The following RORA variants were observed in gnomAD, a reference collection of about 807,000 sequenced individuals.
RORA encodes RAR related orphan receptor A.
In RORA, 7 loss-of-function variants were observed where a neutral mutation model predicts 69.5. The observed-to-expected ratio is 0.10, with a 90% CI of 0.06 to 0.19. The LOEUF (loss-of-function observed/expected upper bound fraction) is 0.19. RORA is among the 10% of genes least tolerant of loss of function. The pLI is 1.00. For missense variants in RORA, 457 were observed against 663.0 expected, an observed-to-expected ratio of 0.69 and a Z score of 3.41; for synonymous variants, 261 against 240.8, an observed-to-expected ratio of 1.08 and a Z score of -0.78.
chr15:60,531,928 G>C lies in RORA; in HGVS notation c.197-77C>G, dbSNP rs2066538014. ...TAAAAGCGTTCCCTGATCAGCATTT[G>C]TATAGTGAAAACTAATAACCTGCTA... On this transcript the variant is annotated intron_variant, in intron 2 of 10. Coordinates refer to ENST00000335670, the MANE Select transcript of RORA (RefSeq NM_134261.3). This position sits in a 1 kb window ranked among gnomAD's most constrained non-coding sequence, Gnocchi z 4.8. The C allele has an allele frequency of 1.2e-6, 1 of 815,746 alleles. No individual in the cohort carries two copies. The highest frequency in any genetic ancestry group is 2.6e-5 in the Admixed American group (1 of 38,590). The allele number at this position is 815,746 out of a possible 1,614,324, so 50.5% of individuals were successfully genotyped here.
intron 1 of RORA, among the ~76,000 whole-genome samples, chr15:61,009,843 G>A (rs374863643): frequency 1.3e-5 from 2 of 152,080 alleles, no homozygotes; most frequent in Admixed American, 1.3e-4. Flanking sequence ...CATGGGCTTC[G>A]ACATGTCAGC....
chr15:60,642,218 T>C (rs2069956814), intron 2 of RORA, among the ~76,000 whole-genome samples: 1 of 150,780 alleles, frequency 6.6e-6, no homozygotes, highest in African/African-American at 2.4e-5. Flanking sequence ...GGGAAGTAAG[T>C]AGAAACCAAG....
chr15:61,214,065 C>T (rs951820992), intron 1 of RORA: 5 of 152,134 alleles, frequency 3.3e-5, no homozygotes, highest in African/African-American at 1.2e-4. Context: ...CAATCTATAA[C>T]CTGGCTCCCA....
intron 1 of RORA, among the ~76,000 whole-genome samples, chr15:60,987,747 T>C (rs1894249223): frequency 6.6e-6 from 1 of 152,178 alleles, no homozygotes; most frequent in African/African-American, 2.4e-5. Context: ...TTGTGATAAG[T>C]ACTGGGCTGC....
At chr15:60,780,874 C>T (rs1411142244) in intron 1 of RORA, among the ~76,000 whole-genome samples, 1 of 152,240 alleles carries the variant, frequency 6.6e-6, no homozygotes, top group Non-Finnish European at 1.5e-5. Context: ...AGAGAAAAAG[C>T]ACTCTGATAA....
chr15:60,975,854 G>A (rs778304143), intron 1 of RORA, among the ~76,000 whole-genome samples: 1 of 151,918 alleles, frequency 6.6e-6, no homozygotes, highest in Non-Finnish European at 1.5e-5. Context: ...ACATGCACAC[G>A]TGCATACATA....
Position 60,537,806 on chromosome 15 carries a change from G to T in RORA, c.197-5955C>A, listed in dbSNP as rs563575956. 9.2e-5 allele frequency among the ~76,000 whole-genome samples: 14 copies of T among 152,282 alleles called. No homozygotes were observed. The highest frequency in any genetic ancestry group is 2.6e-4 in the Admixed American group (4 of 15,294). ...CTTGATTTTGGATTCTTTCATGACA[G>T]TATTTCATCCTTGCTGAACCTCACC... On this transcript the variant is annotated intron_variant, in intron 2 of 10. Coordinates refer to ENST00000335670, the MANE Select transcript of RORA (RefSeq NM_134261.3). This position sits in a 1 kb window ranked among gnomAD's most constrained non-coding sequence, Gnocchi z 4.9.
intron 1 of RORA, among the ~76,000 whole-genome samples, chr15:60,760,123 G>A (rs2071864743): frequency 6.6e-6 from 1 of 151,620 alleles, no homozygotes; most frequent in African/African-American, 2.4e-5. Flanking sequence ...TTCATTAGAA[G>A]CTCTCTGAGC....
chr15:60,827,390 T>TA (rs935168774), intron 1 of RORA, among the ~76,000 whole-genome samples: 2 of 152,218 alleles, frequency 1.3e-5, no homozygotes, highest in African/African-American at 2.4e-5. Flanking sequence ...GTCTGGCACG[T>TA]AAAAAAATCC....
chr15:60,896,998 G>C (rs189344867), intron 1 of RORA, among the ~76,000 whole-genome samples: 19 of 152,286 alleles, frequency 1.2e-4, no homozygotes, highest in Middle Eastern at 3.4e-3. Context: ...TGAGAAGACA[G>C]AGGAGAAACC....
At chr15:61,085,467 T>C (rs369212316) in intron 1 of RORA, among the ~76,000 whole-genome samples, 1 of 152,230 alleles carries the variant, frequency 6.6e-6, no homozygotes, top group Non-Finnish European at 1.5e-5. Flanking sequence ...TGCACAGTCA[T>C]CATCCGAAGA....
intron 4 of RORA, among the ~76,000 whole-genome samples, chr15:60,514,186 C>T (rs1463355257): frequency 6.6e-6 from 1 of 152,196 alleles, no homozygotes; most frequent in Non-Finnish European, 1.5e-5. Flanking sequence ...AGCATAAAAG[C>T]GGCTTCATCC....
chr15:61,191,026 A>G (rs1360902091), intron 1 of RORA, among the ~76,000 whole-genome samples: 1 of 152,180 alleles, frequency 6.6e-6, no homozygotes, highest in Non-Finnish European at 1.5e-5. Flanking sequence ...AAAAATACTA[A>G]ATGCATCAGG....
intron 1 of RORA, among the ~76,000 whole-genome samples, chr15:61,169,367 C>T (rs554218025): frequency 3.0e-4 from 45 of 152,062 alleles, no homozygotes; most frequent in African/African-American, 1.0e-3. Flanking sequence ...TTTGGGGTCC[C>T]GATGATACCT....
In RORA at chr15:60,553,515, T is replaced by G. The variant is rs180942665; in HGVS notation, c.197-21664A>C. 1.5e-3 allele frequency among the ~76,000 whole-genome samples: 234 copies of G among 152,304 alleles called. 3 individuals carry two copies. The highest frequency in any genetic ancestry group is 5.3e-3 in the African/African-American group (220 of 41,566). On this transcript the variant is annotated intron_variant, in intron 2 of 10. Coordinates refer to ENST00000335670, the MANE Select transcript of RORA (RefSeq NM_134261.3). ...TGGGCTAAGAGTCAGATGGTCTAAG[T>G]TCTAATTTTAGCTCTGCAACTAACT... is the stretch of plus-strand genomic sequence containing the variant.
chr15:60,685,868 A>G (rs1489052786), intron 1 of RORA, among the ~76,000 whole-genome samples: 1 of 152,192 alleles, frequency 6.6e-6, no homozygotes, highest in Non-Finnish European at 1.5e-5. Context: ...AGATATACTA[A>G]TTATGAACAT....
chr15:60,596,072 A>G (rs555520955), intron 2 of RORA, among the ~76,000 whole-genome samples: 19 of 152,342 alleles, frequency 1.2e-4, no homozygotes, highest in South Asian at 1.2e-3. Context: ...TACAGTTTAA[A>G]TAAATGATAC....
chr15:60,896,936 A>G (rs1236810971), intron 1 of RORA, among the ~76,000 whole-genome samples: 1 of 152,096 alleles, frequency 6.6e-6, no homozygotes, highest in African/African-American at 2.4e-5. Flanking sequence ...TTCCTTTCTC[A>G]TGAGGTGGCT....
At chr15:60,500,668 C>T (rs1341766909) in intron 9 of RORA, among the ~76,000 whole-genome samples, 2 of 152,212 alleles carry the variant, frequency 1.3e-5, no homozygotes, top group Non-Finnish European at 2.9e-5. Flanking sequence ...TATTCCACCA[C>T]AGCATTTCTC....
Sources: gnomAD v4.1 joint callset for allele counts (sites outside exome capture counted in the v4.1 genomes callset) on GRCh38, gnomAD v4.1.1 for gene constraint, Gnocchi (gnomAD v3.1) non-coding constraint, MANE v1.5 for transcripts, NCBI Gene and HGNC (gene_info 2026-07-23, HGNC 2026-07-21) for gene names.